PRICKLE2: variants seen among roughly 807,000 people sequenced by gnomAD.
The protein encoded by PRICKLE2 is prickle-like protein 2.
PRICKLE2 carries 21 observed loss-of-function variants against 81.4 expected under a neutral mutation model. The ratio of observed to expected loss-of-function variants is 0.26; its 90% CI spans 0.18 to 0.37. The LOEUF is 0.37. Ranked by LOEUF, PRICKLE2 falls within the 10% of genes least tolerant of loss-of-function variation. The pLI is 1.00. For synonymous variants in PRICKLE2, 456 were observed against 421.5 expected, an observed-to-expected ratio of 1.08 and a Z score of -1.00; for missense variants, 940 against 1,109.0, an observed-to-expected ratio of 0.85 and a Z score of 2.16.
intron 2 of PRICKLE2, among the ~76,000 whole-genome samples, chr3:64,184,670 C>T (rs1055102680): frequency 5.9e-5 from 9 of 152,078 alleles, no homozygotes; most frequent in Non-Finnish European, 1.3e-4. Context: ...TGGAATCTCG[C>T]TATGCTGCCC....
intron 2 of PRICKLE2, among the ~76,000 whole-genome samples, chr3:64,258,647 T>C (rs2079562419): frequency 6.6e-6 from 1 of 150,646 alleles, no homozygotes; most frequent in African/African-American, 2.4e-5. Context: ...AGTGAAACCC[T>C]GTCTCTACTT....
chr3:64,258,241 A>G (rs1325720081), intron 2 of PRICKLE2, among the ~76,000 whole-genome samples: 4 of 152,180 alleles, frequency 2.6e-5, no homozygotes, highest in Non-Finnish European at 4.4e-5. Flanking sequence ...TGTCCCAGCA[A>G]TGCATGCACT....
At chr3:64,136,450 T>C (rs2077281237) in intron 7 of PRICKLE2, among the ~76,000 whole-genome samples, 1 of 149,310 alleles carries the variant, frequency 6.7e-6, no homozygotes. Context: ...ATTTGCACAA[T>C]TGACAAGCAT....
chr3:64,129,356 T>A (rs1397951786), intron 7 of PRICKLE2, among the ~76,000 whole-genome samples: 3 of 152,224 alleles, frequency 2.0e-5, no homozygotes, highest in Admixed American at 2.0e-4. Context: ...TTAACCAAGA[T>A]AACAATATAT....
At chr3:64,143,950 A>ATTTTT (rs34605013) in intron 7 of PRICKLE2, among the ~76,000 whole-genome samples, 1 of 143,326 alleles carries the variant, frequency 7.0e-6, no homozygotes, top group Non-Finnish European at 1.5e-5. Flanking sequence ...CCAAGGCCTC[A>ATTTTT]TTTTTTTTTT....
chr3:64,256,982 C>A (rs2079534248), intron 2 of PRICKLE2, among the ~76,000 whole-genome samples: 1 of 152,152 alleles, frequency 6.6e-6, no homozygotes, highest in African/African-American at 2.4e-5. Flanking sequence ...GCCTAATATC[C>A]ATCAGATATT....
intron 7 of PRICKLE2, among the ~76,000 whole-genome samples, chr3:64,123,970 G>A (rs2077068950): frequency 6.6e-6 from 1 of 152,164 alleles, no homozygotes; most frequent in Non-Finnish European, 1.5e-5. Flanking sequence ...AGATGACTAA[G>A]CTTAGTGAGG....
chr3:64,203,544 G>A (rs898319612), intron 1 of PRICKLE2, among the ~76,000 whole-genome samples: 1 of 152,042 alleles, frequency 6.6e-6, no homozygotes, highest in African/African-American at 2.4e-5. Flanking sequence ...AATTATGCAG[G>A]GAAGAGCACA....
At chr3:64,111,736 C>G (rs1266372346) in intron 7 of PRICKLE2, among the ~76,000 whole-genome samples, 1 of 152,076 alleles carries the variant, frequency 6.6e-6, no homozygotes, top group Non-Finnish European at 1.5e-5. Context: ...TGTTAGATGT[C>G]AGAATAGTGC....
At chr3:64,227,003 C>G (rs2079041757), upstream of PRICKLE2, among the ~76,000 whole-genome samples, 1 of 152,248 alleles carries the variant, frequency 6.6e-6, no homozygotes, top group South Asian at 2.1e-4. Flanking sequence ...GAGCTCTGCC[C>G]TTCCAGCTGC....
At chr3:64,155,091 G>C (rs12493678) in intron 5 of PRICKLE2, 72,165 of 144,690 alleles carry the variant, frequency 0.5, 19,838 homozygotes, top group Non-Finnish European at 0.6. Flanking sequence ...AGAGGCTGCA[G>C]TGAGCCAAGA....
intron 1 of PRICKLE2, among the ~76,000 whole-genome samples, chr3:64,213,490 TA>T (rs1379130154): frequency 3.3e-5 from 5 of 152,350 alleles, no homozygotes; most frequent in South Asian, 2.1e-4. Flanking sequence ...TCATTTCATG[TA>T]ACTTTTGAAT....
At chr3:64,170,677 A>G (rs558108254) in intron 2 of PRICKLE2, among the ~76,000 whole-genome samples, 12 of 151,240 alleles carry the variant, frequency 7.9e-5, no homozygotes, top group African/African-American at 2.9e-4. Flanking sequence ...CTGGGAAACA[A>G]AGGTAGACCA....
chr3:64,147,392 T>G lies in PRICKLE2; in HGVS notation c.1098A>C (p.Ser366=), dbSNP rs779640034. The G allele has an allele frequency of 1.2e-5, 19 of 1,614,156 alleles. No homozygotes were observed. The highest frequency in any genetic ancestry group is 1.6e-4 in the Middle Eastern group (1 of 6,084). ...SQLQVSSNRL[S]ADVDPLSLQM... ...GCAGTGACAGGGGGTCTACGTCGGC[T>G]GACAGCCGGTTAGAACTCACTTGCA... is the stretch of plus-strand genomic sequence containing the variant. The change falls in exon 7 of 8, where the codon TCA becomes TCC. Residue 366 remains serine (S), a synonymous_variant. Coordinates refer to ENST00000638394, the MANE Select transcript of PRICKLE2 (RefSeq NM_198859.4). This position sits in a 1 kb window ranked among gnomAD's most constrained non-coding sequence, Gnocchi z 5.0.
intron 2 of PRICKLE2, among the ~76,000 whole-genome samples, chr3:64,238,759 A>T (rs547180276): frequency 1.6e-4 from 24 of 152,310 alleles, no homozygotes; most frequent in African/African-American, 5.5e-4. Flanking sequence ...TCTCTGCCAC[A>T]TGGGTTTTCT....
chr3:64,172,287 C>T (rs77426060), intron 2 of PRICKLE2, among the ~76,000 whole-genome samples: 22 of 152,320 alleles, frequency 1.4e-4, no homozygotes, highest in Non-Finnish European at 2.6e-4. Flanking sequence ...TACGCATTTG[C>T]GTATATGCCC....
intron 2 of PRICKLE2, among the ~76,000 whole-genome samples, chr3:64,266,186 G>C (rs2079705255): frequency 7.7e-6 from 1 of 130,640 alleles, no homozygotes; most frequent in Non-Finnish European, 1.7e-5. Flanking sequence ...TCATCTCCAA[G>C]CCTCCACCGC....
chr3:64,195,754 C>T (rs1053680431), intron 2 of PRICKLE2, among the ~76,000 whole-genome samples: 1 of 152,102 alleles, frequency 6.6e-6, no homozygotes, highest in Non-Finnish European at 1.5e-5. Context: ...AATTTGAAGC[C>T]CATTTCTTAC....
chr3:64,120,191 C>T (rs2077003463), intron 7 of PRICKLE2, among the ~76,000 whole-genome samples: 2 of 152,066 alleles, frequency 1.3e-5, no homozygotes, highest in African/African-American at 2.4e-5. Flanking sequence ...ACATGTACCC[C>T]CTGAATCTAA....
Sources: allele counts gnomAD v4.1 joint callset (sites outside exome capture counted in the v4.1 genomes callset), GRCh38; gene constraint gnomAD v4.1.1; non-coding constraint Gnocchi (gnomAD v3.1); transcripts MANE v1.5; gene names NCBI Gene and HGNC (gene_info 2026-07-23, HGNC 2026-07-21).